The following SGCD variants were observed in gnomAD, a reference collection of about 807,000 sequenced individuals.
SGCD encodes delta-sarcoglycan.
SGCD carries 18 observed loss-of-function variants against 36.6 expected under a neutral mutation model. That is an observed-to-expected ratio of 0.49 (90% CI 0.34 to 0.73). The LOEUF is 0.73. Among genes scored for constraint, SGCD ranks in the 30% least tolerant of loss-of-function variants. The pLI is 0.01. For synonymous variants in SGCD, 133 were observed against 130.6 expected, an observed-to-expected ratio of 1.02 and a Z score of -0.12; for missense variants, 387 against 346.7, an observed-to-expected ratio of 1.12 and a Z score of -0.92.
At chr5:155,731,328 G>A in the SGCD span, among the ~76,000 whole-genome samples, 20 of 152,044 alleles carry the variant, frequency 1.3e-4, no homozygotes, top group African/African-American at 4.3e-4. Context: ...AACAAAAAGG[G>A]AAAGGAGTGG....
intron 3 of SGCD, among the ~76,000 whole-genome samples, chr5:156,498,246 C>T (rs780771626): frequency 5.1e-5 from 7 of 138,176 alleles, no homozygotes; most frequent in African/African-American, 1.4e-4. Flanking sequence ...TTTCTGTGAA[C>T]GTCATATTTC....
chr5:156,053,293 C>A (rs1322728843), intron 1 of SGCD, among the ~76,000 whole-genome samples: 1 of 145,916 alleles, frequency 6.9e-6, no homozygotes, highest in Admixed American at 6.8e-5. Flanking sequence ...CAGTCCCCGG[C>A]CATGTAACAT....
chr5:155,877,435 T>C (rs759999891), intron 1 of SGCD, among the ~76,000 whole-genome samples: 16 of 152,148 alleles, frequency 1.1e-4, no homozygotes, highest in Non-Finnish European at 2.1e-4. Flanking sequence ...GAGCAGTTTA[T>C]ATCTGGAGTA....
intron 6 of SGCD, among the ~76,000 whole-genome samples, chr5:156,609,894 A>G (rs1367300510): frequency 6.6e-6 from 1 of 152,268 alleles, no homozygotes; most frequent in Non-Finnish European, 1.5e-5. Context: ...TTTCAGCTCC[A>G]TCAGGTCCTT....
At chr5:155,915,805 A>G (rs1007265794) in intron 1 of SGCD, among the ~76,000 whole-genome samples, 1 of 152,172 alleles carries the variant, frequency 6.6e-6, no homozygotes, top group African/African-American at 2.4e-5. Flanking sequence ...GTTTGAGTAC[A>G]TTTCATATGT....
chr5:156,109,266 A>T (rs1344431143), intron 1 of SGCD, among the ~76,000 whole-genome samples: 4 of 151,740 alleles, frequency 2.6e-5, no homozygotes, highest in Admixed American at 2.6e-4. Flanking sequence ...TTCCTCCTTC[A>T]CTTCTCATCT....
chr5:156,209,244 C>T (rs749716511), intron 3 of SGCD, among the ~76,000 whole-genome samples: 85 of 152,178 alleles, frequency 5.6e-4, no homozygotes, highest in Admixed American at 1.8e-3. Flanking sequence ...CCAGGCCAGC[C>T]CCAGTGGCCC....
At chr5:156,334,642 G>A (rs1204154374) in intron 2 of SGCD, among the ~76,000 whole-genome samples, 1 of 82,722 alleles carries the variant, frequency 1.2e-5, no homozygotes, top group Admixed American at 1.1e-4. Context: ...CTTTTTTTTA[G>A]GAGGTGGGAC....
In SGCD at chr5:156,765,598, G is replaced by A. The variant is rs1353003115; in HGVS notation, c.*6208G>A. 1 of 152,118 alleles carries A rather than the reference G, an allele frequency of 6.6e-6. No homozygotes were observed. The highest frequency in any genetic ancestry group is 1.5e-5 in the Non-Finnish European group (1 of 68,018). The allele number at this position is 152,118 out of a possible 1,614,324, so 9.4% of individuals were successfully genotyped here. ...TCACTGAGCTATTGCTAGCCACTGT[G>A]CTAAACATTTTACATACATTCTCCT... On this transcript the variant is annotated 3_prime_UTR_variant, in exon 9 of 9. Transcript: ENST00000337851.
the SGCD span, among the ~76,000 whole-genome samples, chr5:155,823,913 C>A: frequency 6.6e-6 from 1 of 152,104 alleles, no homozygotes; most frequent in African/African-American, 2.4e-5. Context: ...CCCAGATTAC[C>A]GCATGAGGAC....
chr5:156,169,157 T>G (rs931984291), intron 3 of SGCD, among the ~76,000 whole-genome samples: 2 of 152,220 alleles, frequency 1.3e-5, no homozygotes, highest in African/African-American at 4.8e-5. Context: ...GCAACCCAAC[T>G]GCTTCTTTGA....
intron 3 of SGCD, among the ~76,000 whole-genome samples, chr5:156,396,723 A>G (rs1238330232): frequency 1.3e-5 from 2 of 152,124 alleles, no homozygotes; most frequent in African/African-American, 2.4e-5. Flanking sequence ...CACAATAATA[A>G]TGATAGCTTA....
At chr5:156,509,618 G>C (rs1219155788) in intron 4 of SGCD, among the ~76,000 whole-genome samples, 1 of 152,178 alleles carries the variant, frequency 6.6e-6, no homozygotes, top group Non-Finnish European at 1.5e-5. Flanking sequence ...ATTGAGGCTT[G>C]GAGAAGTTTC....
upstream of SGCD, among the ~76,000 whole-genome samples, chr5:155,867,069 A>G (rs1305162885): frequency 6.6e-6 from 1 of 152,168 alleles, no homozygotes; most frequent in East Asian, 1.9e-4. Context: ...ATGGAGAGGA[A>G]AGGTGGGTGA....
chr5:155,923,329 T>TACATGTTACATAATACATGAATAA (rs1561651279), intron 1 of SGCD, among the ~76,000 whole-genome samples: 3 of 152,222 alleles, frequency 2.0e-5, no homozygotes, highest in Non-Finnish European at 4.4e-5. Context: ...TCGAAAAGGT[T>TACATGTTACATAATACATGAATAA]TAGAGACAAA....
chr5:156,420,094 A>G (rs896311636), intron 3 of SGCD, among the ~76,000 whole-genome samples: 3 of 152,136 alleles, frequency 2.0e-5, no homozygotes, highest in African/African-American at 4.8e-5. Context: ...ACCTCTGGCC[A>G]TAGTAACATT....
chr5:155,931,871 C>A (rs1449399383), intron 1 of SGCD, among the ~76,000 whole-genome samples: 6 of 152,162 alleles, frequency 3.9e-5, no homozygotes, highest in Admixed American at 1.3e-4. Flanking sequence ...CCTTACAATT[C>A]TAGAGGATGA....
At chr5:156,497,629 C>CTT (rs1470190733) in intron 3 of SGCD, among the ~76,000 whole-genome samples, 1 of 151,222 alleles carries the variant, frequency 6.6e-6, no homozygotes, top group Non-Finnish European at 1.5e-5. Context: ...TGCTTTCTCT[C>CTT]TCTCTCTCTC....
chr5:156,105,304 A>T (rs1761618380), intron 1 of SGCD, among the ~76,000 whole-genome samples: 2 of 152,212 alleles, frequency 1.3e-5, no homozygotes, highest in South Asian at 4.1e-4. Flanking sequence ...GACCACACAC[A>T]CACAAGTAAC....
Sources: gnomAD v4.1 joint callset for allele counts (sites outside exome capture counted in the v4.1 genomes callset) on GRCh38, gnomAD v4.1.1 for gene constraint, MANE v1.5 for transcripts, NCBI Gene and HGNC (gene_info 2026-07-23, HGNC 2026-07-21) for gene names.